Variants in CHODL observed in about 807,000 individuals in gnomAD.
CHODL encodes the protein transmembrane protein MT75.
CHODL carries 29 observed loss-of-function variants against 34.5 expected under a neutral mutation model. That is an observed-to-expected ratio of 0.84 (90% CI 0.63 to 1.15). The LOEUF is 1.15. CHODL is among the 50% of genes most tolerant of loss of function. CHODL has a pLI of 0.00. For synonymous variants in CHODL, 125 were observed against 116.1 expected, an observed-to-expected ratio of 1.08 and a Z score of -0.49; for missense variants, 332 against 332.5, an observed-to-expected ratio of 1.00 and a Z score of 0.01.
chr21:17,978,382 A>G lies in CHODL; in HGVS notation c.-144-49490A>G, dbSNP rs199798323. 4.1e-5 allele frequency among the ~76,000 whole-genome samples: 6 copies of G among 147,684 alleles called. No individual in the cohort carries two copies. In the East Asian group the frequency reaches 1.2e-3, roughly 29 times the overall value. ...GCTTGCAATGAGCCAAGATGGCGCC[A>G]CTGCACTCCAGCCTGGGGCACAGAG... On this transcript the variant is annotated intron_variant, in intron 1 of 6. Coordinates refer to the CHODL transcript ENST00000400127.
rs572624130 is a variant in CHODL, at chr21:18,060,544, T to C, written c.-45+32573T>C. ...CTCCAGGAAACTGGAAGCCTGGATA[T>C]AGTACCCATCAGGGCAGTCCACAGA... On this transcript the variant is annotated intron_variant, in intron 2 of 6. Transcript: ENST00000400127. Among the ~76,000 whole-genome samples, 3 of 151,842 alleles carry C rather than the reference T, an allele frequency of 2.0e-5. No individual in the cohort carries two copies. The South Asian group carries it at 6.2e-4, about 32-fold the overall frequency.
chr21:18,153,863 C>G (rs767225462), intron 2 of CHODL, among the ~76,000 whole-genome samples: 20 of 152,088 alleles, frequency 1.3e-4, no homozygotes, highest in Non-Finnish European at 2.6e-4. Flanking sequence ...AATCTTATTT[C>G]TCTCTCAGGA....
Position 18,260,515 on chromosome 21 carries a change from A to G in CHODL, c.634+229A>G, listed in dbSNP as rs147589190. Among the ~76,000 whole-genome samples, 48 of 152,310 alleles carry G rather than the reference A, an allele frequency of 3.2e-4. 1 individual carries two copies. In the Middle Eastern group the frequency reaches 0.017, roughly 54 times the overall value. On this transcript the variant is annotated intron_variant, in intron 4 of 5. Coordinates refer to ENST00000299295, the MANE Select transcript of CHODL (RefSeq NM_024944.3). ...AGTGGTACTAAACTAAGTGATCCAC[A>G]TTAAAATTTGGATCTGGCCAGGCAC...
intron 2 of CHODL, among the ~76,000 whole-genome samples, chr21:18,112,358 T>A (rs2065361170): frequency 6.6e-6 from 1 of 152,078 alleles, no homozygotes; most frequent in Non-Finnish European, 1.5e-5. Flanking sequence ...ATATATTTTT[T>A]AATGCAATCT....
At chr21:18,074,134 T>C (rs1022170500) in intron 2 of CHODL, among the ~76,000 whole-genome samples, 1 of 152,088 alleles carries the variant, frequency 6.6e-6, no homozygotes, top group Non-Finnish European at 1.5e-5. Context: ...GCTGATGGAA[T>C]TGATTATATA....
intron 1 of CHODL, among the ~76,000 whole-genome samples, chr21:17,982,923 C>A (rs2063725837): frequency 6.6e-6 from 1 of 151,908 alleles, no homozygotes; most frequent in Admixed American, 6.6e-5. Flanking sequence ...TGGGGTTTCA[C>A]CATGTTGGCC....
chr21:18,033,216 G>A lies in CHODL; in HGVS notation c.-45+5245G>A, dbSNP rs140404636. On this transcript the variant is annotated intron_variant, in intron 2 of 6. Coordinates refer to the CHODL transcript ENST00000400127. Reference sequence around the variant, plus strand: ...TTGGACAAGAAAGTTCAAAATTTAAGGAATAGGTAATGCAAAGACAATAAA... The same window carrying A: ...TTGGACAAGAAAGTTCAAAATTTAAAGAATAGGTAATGCAAAGACAATAAA... Among the ~76,000 whole-genome samples, 512 of 152,020 alleles carry A rather than the reference G, an allele frequency of 3.4e-3. 4 individuals are homozygous for A. The highest frequency in any genetic ancestry group is 0.012 in the African/African-American group (490 of 41,510).
intron 2 of CHODL, among the ~76,000 whole-genome samples, chr21:18,193,307 G>A (rs1264013895): frequency 6.6e-6 from 1 of 152,034 alleles, no homozygotes; most frequent in East Asian, 1.9e-4. Context: ...TTTTTTAAGG[G>A]TTCTTCCAGT....
At chr21:18,230,945 T>C (rs561216109) in intron 2 of CHODL, among the ~76,000 whole-genome samples, 1 of 152,238 alleles carries the variant, frequency 6.6e-6, no homozygotes, top group Non-Finnish European at 1.5e-5. Flanking sequence ...TTTCTTTCAT[T>C]CGTACTTAGA....
chr21:17,987,127 A>T (rs1320529301), intron 1 of CHODL, among the ~76,000 whole-genome samples: 1 of 152,126 alleles, frequency 6.6e-6, no homozygotes, highest in Non-Finnish European at 1.5e-5. Flanking sequence ...AGAGAAATAG[A>T]TGGGGAGGAG....
At chr21:18,063,852 C>T (rs1432538143) in intron 2 of CHODL, among the ~76,000 whole-genome samples, 1 of 151,984 alleles carries the variant, frequency 6.6e-6, no homozygotes, top group Non-Finnish European at 1.5e-5. Flanking sequence ...TCTCTGCATC[C>T]TTTCTCTCAC....
At chr21:18,182,325 G>A (rs914100959) in intron 2 of CHODL, among the ~76,000 whole-genome samples, 16 of 152,192 alleles carry the variant, frequency 1.1e-4, no homozygotes, top group African/African-American at 3.6e-4. Flanking sequence ...AGAAGTCAGG[G>A]TTTGAGCCTG....
chr21:18,040,964 A>G (rs1049094098), intron 2 of CHODL, among the ~76,000 whole-genome samples: 4 of 151,956 alleles, frequency 2.6e-5, no homozygotes, highest in Non-Finnish European at 2.9e-5. Context: ...AGGAAATAAA[A>G]AAAGAATTAA....
intron 1 of CHODL, among the ~76,000 whole-genome samples, chr21:17,963,063 C>CA (rs752553578): frequency 0.016 from 2,245 of 136,482 alleles, 26 homozygotes; most frequent in Middle Eastern, 0.04. Flanking sequence ...GACTATGTCT[C>CA]AAAAAAAAAA....
chr21:18,084,015 AT>A (rs1428872722), intron 2 of CHODL, among the ~76,000 whole-genome samples: 7 of 152,162 alleles, frequency 4.6e-5, no homozygotes, highest in African/African-American at 1.7e-4. Flanking sequence ...CCCCACTCAA[AT>A]CTCATCTTGA....
intron 1 of CHODL, among the ~76,000 whole-genome samples, chr21:17,958,757 T>C (rs1006375680): frequency 1.3e-5 from 2 of 152,164 alleles, no homozygotes; most frequent in African/African-American, 4.8e-5. Flanking sequence ...CAAAGGCAGG[T>C]TTACTTTGCA....
chr21:18,024,972 G>A (rs545227497), intron 1 of CHODL, among the ~76,000 whole-genome samples: 1 of 152,038 alleles, frequency 6.6e-6, no homozygotes, highest in Non-Finnish European at 1.5e-5. Flanking sequence ...ACTATATCTT[G>A]GGACTTATAC....
intron 1 of CHODL, among the ~76,000 whole-genome samples, chr21:17,974,900 G>A (rs2063648468): frequency 6.7e-6 from 1 of 148,718 alleles, no homozygotes; most frequent in African/African-American, 2.4e-5. Flanking sequence ...CATTAATTCT[G>A]AGGCAGTCAA....
chr21:18,246,271 T>C lies in CHODL; in HGVS notation c.79+969T>C, dbSNP rs2056076423. Among the ~76,000 whole-genome samples, 6 of 151,884 alleles carry C rather than the reference T, an allele frequency of 4.0e-5. No individual in the cohort carries two copies. The South Asian group carries it at 1.2e-3, about 31-fold the overall frequency. ...ATAAGTATTTGTTGGATATATGTGT[T>C]TTGAGGGTGAAAAGTTTTTTTAAAA... On this transcript the variant is annotated intron_variant, in intron 1 of 5. Transcript: ENST00000299295.
Sources: gnomAD v4.1 joint callset for allele counts (sites outside exome capture counted in the v4.1 genomes callset) on GRCh38, gnomAD v4.1.1 for gene constraint, MANE v1.5 for transcripts, NCBI Gene and HGNC (gene_info 2026-07-23, HGNC 2026-07-21) for gene names.